Variants in PRKCH observed in about 807,000 individuals in gnomAD.
PRKCH encodes protein kinase C eta type.
In PRKCH, 28 loss-of-function variants were observed where a neutral mutation model predicts 82.5. The ratio of observed to expected loss-of-function variants is 0.34; its 90% confidence interval spans 0.25 to 0.47. PRKCH has a LOEUF of 0.47. Among genes scored for constraint, PRKCH ranks in the 20% least tolerant of loss-of-function variants. The pLI is 1.00. For missense variants in PRKCH, 705 were observed against 881.8 expected (o/e 0.80, Z 2.54); for synonymous variants, 322 against 327.4 (o/e 0.98, Z 0.18).
intron 6 of PRKCH, among the ~76,000 whole-genome samples, chr14:61,451,917 AT>A (rs1360787105): frequency 6.6e-6 from 1 of 152,024 alleles, no homozygotes; most frequent in Non-Finnish European, 1.5e-5. Context: ...AACACTAATA[AT>A]TTTTTTCTCA....
At chr14:61,215,304 C>T (rs1232898991) in intron 1 of PRKCH, among the ~76,000 whole-genome samples, 2 of 152,124 alleles carry the variant, frequency 1.3e-5, no homozygotes, top group African/African-American at 2.4e-5. Context: ...GACCAAAGGC[C>T]TTAGAGCAAA....
intron 1 of PRKCH, among the ~76,000 whole-genome samples, chr14:61,235,180 G>A (rs1307238397): frequency 6.6e-6 from 1 of 152,186 alleles, no homozygotes; most frequent in Non-Finnish European, 1.5e-5. Context: ...AAAGGACCAT[G>A]CTCCATATGG....
chr14:61,189,573 A>G (rs2140078956), intron 1 of PRKCH, among the ~76,000 whole-genome samples: 1 of 148,438 alleles, frequency 6.7e-6, no homozygotes, highest in East Asian at 2.0e-4. Context: ...GGGGAGGCAC[A>G]TTTTCCTCTC....
chr14:61,207,904 G>A (rs1398869586), intron 1 of PRKCH, among the ~76,000 whole-genome samples: 2 of 152,176 alleles, frequency 1.3e-5, no homozygotes, highest in Non-Finnish European at 2.9e-5. Context: ...GCCCGGCAGC[G>A]AAGGCAGCTC....
intron 10 of PRKCH, among the ~76,000 whole-genome samples, chr14:61,513,140 A>G (rs896263972): frequency 6.6e-6 from 1 of 152,128 alleles, no homozygotes; most frequent in Non-Finnish European, 1.5e-5. Flanking sequence ...AGTTCTCACC[A>G]TTGCTTCCTC....
intron 1 of PRKCH, among the ~76,000 whole-genome samples, chr14:61,331,923 G>A (rs532310168): frequency 1.6e-3 from 240 of 152,324 alleles, no homozygotes; most frequent in African/African-American, 5.3e-3. Flanking sequence ...GTATAGCATC[G>A]CTAGTGATGT....
At chr14:61,481,889 C>T (rs928889966) in intron 9 of PRKCH, among the ~76,000 whole-genome samples, 3 of 152,006 alleles carry the variant, frequency 2.0e-5, no homozygotes, top group African/African-American at 7.3e-5. Context: ...CACACTTGCC[C>T]GAAGGGACCT....
chr14:61,513,733 A>C (rs546073782), intron 10 of PRKCH, among the ~76,000 whole-genome samples: 1 of 152,150 alleles, frequency 6.6e-6, no homozygotes, highest in South Asian at 2.1e-4. Flanking sequence ...ATAGTTTGTC[A>C]TACTGTCAAA....
chr14:61,547,617 A>T, intron 12 of PRKCH, 126 bp from the exon 13 acceptor site: 1 of 1,222,686 alleles, frequency 8.2e-7, no homozygotes, highest in Non-Finnish European at 1.1e-6. Flanking sequence ...TGGAAAACCC[A>T]GCTAGTTAAG....
At chr14:61,370,649 T>A (rs1326214130) in intron 1 of PRKCH, among the ~76,000 whole-genome samples, 1 of 152,120 alleles carries the variant, frequency 6.6e-6, no homozygotes, top group Non-Finnish European at 1.5e-5. Flanking sequence ...CAGTCTTAGC[T>A]CCAGAAAGTA....
intron 1 of PRKCH, among the ~76,000 whole-genome samples, chr14:61,233,755 C>T (rs1451601930): frequency 1.3e-5 from 2 of 152,184 alleles, no homozygotes; most frequent in South Asian, 2.1e-4. Context: ...TTGCTGCTGT[C>T]ATGCCATGTA....
chr14:61,405,380 C>CT (rs55977918), intron 2 of PRKCH, among the ~76,000 whole-genome samples: 11,541 of 145,360 alleles, frequency 0.079, 1,518 homozygotes, highest in African/African-American at 0.27. Flanking sequence ...ATCTTCTGCT[C>CT]TTTTTTTTTT....
intron 9 of PRKCH, among the ~76,000 whole-genome samples, chr14:61,480,241 C>A (rs952545725): frequency 6.6e-6 from 1 of 152,186 alleles, no homozygotes; most frequent in Non-Finnish European, 1.5e-5. Context: ...TGGGAAACCC[C>A]TCTCTGCCAT....
intron 12 of PRKCH, among the ~76,000 whole-genome samples, chr14:61,546,608 T>A (rs1266009777): frequency 2.6e-5 from 4 of 152,218 alleles, no homozygotes; most frequent in Non-Finnish European, 5.9e-5. Flanking sequence ...AAACACTGTC[T>A]TTCCGTGTCT....
intron 1 of PRKCH, among the ~76,000 whole-genome samples, chr14:61,342,454 G>A (rs140558711): frequency 6.6e-6 from 1 of 152,180 alleles, no homozygotes; most frequent in African/African-American, 2.4e-5. Context: ...AATTAATTAT[G>A]GATTTTTATC....
intron 10 of PRKCH, among the ~76,000 whole-genome samples, chr14:61,517,755 G>A (rs908159758): frequency 3.3e-5 from 5 of 152,204 alleles, no homozygotes; most frequent in African/African-American, 1.2e-4. Flanking sequence ...ACCCCTGGTT[G>A]TGATTAAGAT....
chr14:61,410,857 G>A (rs1882231702), intron 2 of PRKCH, among the ~76,000 whole-genome samples: 1 of 152,178 alleles, frequency 6.6e-6, no homozygotes, highest in African/African-American at 2.4e-5. Context: ...ACTGACCAGT[G>A]TGCCTGGCTA....
rs188104244 is a variant in PRKCH at position 61,205,135 on chromosome 14, A to G, written c.-19+17467A>G. On this transcript the variant is annotated intron_variant, in intron 1 of 3. Transcript: ENST00000555185. ...GTCACCAACATTGGAGCAACAGTGA[A>G]GTCTAAGCACATGATCTTCAAGAGG... 3.3e-3 allele frequency among the ~76,000 whole-genome samples: 499 copies of G among 152,346 alleles called. 4 individuals are homozygous for G. Among genetic ancestry groups the G allele is most frequent in the African/African-American group, 0.012 (488 of 41,574 alleles).
At chr14:61,316,066 A>T (rs546996049) in intron 1 of PRKCH, among the ~76,000 whole-genome samples, 10 of 151,850 alleles carry the variant, frequency 6.6e-5, no homozygotes, top group South Asian at 2.1e-4. Context: ...GTTTTTTTCT[A>T]TGTTGTTTAT....
Sources: allele counts gnomAD v4.1 joint callset (sites outside exome capture counted in the v4.1 genomes callset), GRCh38; gene constraint gnomAD v4.1.1; transcripts MANE v1.5; gene names NCBI Gene and HGNC (gene_info 2026-07-23, HGNC 2026-07-21).